The following RANBP2 variants were observed in gnomAD, a reference collection of about 807,000 sequenced individuals.
The protein encoded by RANBP2 is E3 SUMO-protein ligase RanBP2.
In RANBP2, 57 loss-of-function variants were observed where a neutral mutation model predicts 303.6. The ratio of observed to expected loss-of-function variants is 0.19; its 90% confidence interval spans 0.15 to 0.23. The LOEUF (loss-of-function observed/expected upper bound fraction) is 0.23. Among genes scored for constraint, RANBP2 ranks in the 10% least tolerant of loss-of-function variants. The pLI is 1.00. For missense variants in RANBP2, 3,138 were observed against 3,780.8 expected, an observed-to-expected ratio of 0.83 and a Z score of 4.46; for synonymous variants, 1,167 against 1,301.5, an observed-to-expected ratio of 0.90 and a Z score of 2.23.
the RANBP2 span, among the ~76,000 whole-genome samples, chr2:109,468,670 A>G: frequency 6.6e-6 from 1 of 151,930 alleles, no homozygotes; most frequent in African/African-American, 2.4e-5. Context: ...CCTGGCCAAC[A>G]TGGTGAAACC....
the RANBP2 span, chr2:108,910,982 A>T: frequency 6.2e-7 from 1 of 1,614,154 alleles, no homozygotes; most frequent in Non-Finnish European, 8.5e-7. Context: ...GATGTAGAAC[A>T]TGATGATGAG....
chr2:109,502,354 A>G, the RANBP2 span: 1 of 152,132 alleles, frequency 6.6e-6, no homozygotes, highest in Non-Finnish European at 1.5e-5. Context: ...AAGCTGTTAG[A>G]CTTTATATAT....
the RANBP2 span, among the ~76,000 whole-genome samples, chr2:109,400,012 C>T: frequency 1.3e-5 from 2 of 151,978 alleles, no homozygotes; most frequent in Non-Finnish European, 2.9e-5. Flanking sequence ...GGACAGGCCT[C>T]AGAGCAAGGG....
chr2:108,870,534 A>G, the RANBP2 span, among the ~76,000 whole-genome samples: 7 of 152,354 alleles, frequency 4.6e-5, no homozygotes, highest in East Asian at 3.9e-4. Context: ...TGATAAACCC[A>G]GAGTCCGACA....
At chr2:109,009,708 TTTG>T in the RANBP2 span, among the ~76,000 whole-genome samples, 1 of 97,034 alleles carries the variant, frequency 1.0e-5, no homozygotes. Flanking sequence ...TTACCTTTTT[TTTG>T]TTTTTTTTTT....
the RANBP2 span, among the ~76,000 whole-genome samples, chr2:108,936,935 T>C: frequency 6.6e-6 from 1 of 152,194 alleles, no homozygotes; most frequent in Non-Finnish European, 1.5e-5. Context: ...TTCTGACCCA[T>C]TTCCATTTTG....
chr2:109,361,640 A>C, the RANBP2 span, among the ~76,000 whole-genome samples: 184 of 152,026 alleles, frequency 1.2e-3, no homozygotes, highest in Non-Finnish European at 1.0e-3. Flanking sequence ...TGCCCGGCTA[A>C]TTTTTTTGTA....
the RANBP2 span, among the ~76,000 whole-genome samples, chr2:109,016,592 G>A: frequency 1.3e-5 from 2 of 152,302 alleles, no homozygotes; most frequent in Admixed American, 6.5e-5. Context: ...ACATGTGCTC[G>A]TGAGCTTCAA....
At chr2:109,348,074 G>A in the RANBP2 span, 4 of 1,334,796 alleles carry the variant, frequency 3.0e-6, no homozygotes. Flanking sequence ...GCTCCTCCCG[G>A]AACCCTGGGC....
the RANBP2 span, among the ~76,000 whole-genome samples, chr2:109,266,657 GGGCAGCTCA>G: frequency 6.6e-6 from 1 of 151,898 alleles, no homozygotes; most frequent in Non-Finnish European, 1.5e-5. Flanking sequence ...TCAGCACAAA[GGGCAGCTCA>G]GGAGCCAGTG....
At chr2:108,907,998 C>G in the RANBP2 span, 1 of 1,610,312 alleles carries the variant, frequency 6.2e-7, no homozygotes, top group Admixed American at 1.7e-5. Context: ...GCTGCTCATT[C>G]TCGGATGAGG....
At chr2:108,807,208 A>G in the RANBP2 span, among the ~76,000 whole-genome samples, 3 of 152,250 alleles carry the variant, frequency 2.0e-5, no homozygotes, top group Admixed American at 6.5e-5. Context: ...TAAAATAATG[A>G]TTAATATGTT....
chr2:109,386,969 T>G, the RANBP2 span, among the ~76,000 whole-genome samples: 2 of 152,238 alleles, frequency 1.3e-5, no homozygotes, highest in South Asian at 4.1e-4. Context: ...TCTAATGACT[T>G]TTTCTGATTA....
the RANBP2 span, among the ~76,000 whole-genome samples, chr2:108,878,068 C>G: frequency 7.4e-4 from 113 of 152,192 alleles, 2 homozygotes; most frequent in Middle Eastern, 3.4e-3. Context: ...ACGTACTATT[C>G]TGGAGAAAGA....
the RANBP2 span, among the ~76,000 whole-genome samples, chr2:109,004,946 T>A: frequency 6.6e-6 from 1 of 152,198 alleles, no homozygotes; most frequent in Non-Finnish European, 1.5e-5. Flanking sequence ...ACGCTATCAC[T>A]AATTCTCACT....
At chr2:109,256,050 C>G in the RANBP2 span, among the ~76,000 whole-genome samples, 1 of 152,178 alleles carries the variant, frequency 6.6e-6, no homozygotes, top group Non-Finnish European at 1.5e-5. Context: ...TTCCTCCTCA[C>G]AAATGTAAGC....
chr2:109,735,382 C>T, the RANBP2 span, among the ~76,000 whole-genome samples: 1 of 151,950 alleles, frequency 6.6e-6, no homozygotes, highest in African/African-American at 2.4e-5. Flanking sequence ...GGTTATAGAC[C>T]ACATTTTATT....
At chr2:109,037,743 T>C in the RANBP2 span, among the ~76,000 whole-genome samples, 1 of 152,204 alleles carries the variant, frequency 6.6e-6, no homozygotes, top group Non-Finnish European at 1.5e-5. Context: ...GGCATGAATA[T>C]AACAAAATAT....
At chr2:108,746,224 T>C (rs1419744192) in intron 7 of RANBP2, among the ~76,000 whole-genome samples, 1 of 145,836 alleles carries the variant, frequency 6.9e-6, no homozygotes, top group Non-Finnish European at 1.5e-5. Flanking sequence ...TTTTTTTTTT[T>C]TTTTTTGCGA....
Sources: gnomAD v4.1 joint callset for allele counts (sites outside exome capture counted in the v4.1 genomes callset) on GRCh38, gnomAD v4.1.1 for gene constraint, MANE v1.5 for transcripts, NCBI Gene and HGNC (gene_info 2026-07-23, HGNC 2026-07-21) for gene names.